IGF2R: variants seen among roughly 807,000 people sequenced by gnomAD.
The protein encoded by IGF2R is cation-independent mannose-6-phosphate receptor.
In IGF2R, 91 loss-of-function variants were observed where a neutral mutation model predicts 270.6. That is an observed-to-expected ratio of 0.34 (90% confidence interval 0.28 to 0.40). The LOEUF (loss-of-function observed/expected upper bound fraction) is 0.40, where lower values mean the gene tolerates loss of function less well. Ranked by LOEUF, IGF2R falls within the 10% of genes least tolerant of loss-of-function variation. The probability of loss-of-function intolerance (pLI) is 1.00; values close to 1 mark genes in which losing one functional copy is unlikely to be tolerated. For synonymous variants in IGF2R, 1,316 were observed against 1,258.9 expected, an observed-to-expected ratio of 1.05 and a Z score of -0.96; for missense variants, 2,805 against 3,188.3, an observed-to-expected ratio of 0.88 and a Z score of 2.90.
chr6:160,046,498 G>A lies in IGF2R; in HGVS notation c.1904G>A (p.Gly635Glu). Residue 635 changes from glycine (G) to glutamate (E), a missense_variant and splice_region_variant, in exon 15 of 48, where the codon GGG (glycine) becomes GAG (glutamate). Transcript: ENST00000356956. ...TTTTATTGTTTTTATTCTTTCTTAG[G>A]GTTTTCTTTTGACTTATCACCTCTC... ...ENCTVFDSQAGFSFDLSPLTK... is the reference protein window; with the variant it reads ...ENCTVFDSQAEFSFDLSPLTK... 6.2e-7 allele frequency: 1 copy of A among 1,604,558 alleles called. No homozygotes were observed.
At chr6:160,065,814 G>GTGTATATAGATATATA in intron 29 of IGF2R, among the ~76,000 whole-genome samples, 23 of 78,392 alleles carry the variant, frequency 2.9e-4, no homozygotes, top group Non-Finnish European at 4.4e-4. Flanking sequence ...GTGTGTGTGT[G>GTGTATATAGATATATA]TATATATATA....
chr6:160,020,801 G>A (rs753554684), intron 4 of IGF2R, among the ~76,000 whole-genome samples: 1 of 152,114 alleles, frequency 6.6e-6, no homozygotes, highest in African/African-American at 2.4e-5. Flanking sequence ...AACTCAGGTC[G>A]GATTAGCGAC....
rs1779632752 is a variant in IGF2R at position 160,106,882 on chromosome 6, G to A, written c.*1798G>A. On this transcript the variant is annotated 3_prime_UTR_variant, in exon 48 of 48. Coordinates refer to ENST00000356956, the MANE Select transcript of IGF2R (RefSeq NM_000876.4). ...AATAAAGCTTTTTTTTGTGCAACCT[G>A]ATCTAACATGGAGATGTTTTCTCTT... The A allele has an allele frequency of 1.3e-5, 2 of 152,152 alleles. No homozygotes were observed. Among genetic ancestry groups the A allele is most frequent in the Admixed American group, 6.5e-5 (1 of 15,276 alleles). 9.4% of individuals were successfully genotyped at this position (152,152 alleles called of 1,614,324 possible).
chr6:160,065,696 C>G (rs1778555666), intron 29 of IGF2R, among the ~76,000 whole-genome samples: 2 of 151,110 alleles, frequency 1.3e-5, no homozygotes. Context: ...CCATGTGAGG[C>G]TGCCTTCAGT....
rs59215791 is a variant in IGF2R, at chr6:160,000,728, G to GTTTTTTTTTTTTT, written c.290-8269_290-8257dup. Among the ~76,000 whole-genome samples the GTTTTTTTTTTTTT allele has an allele frequency of 8.9e-4, 62 of 69,960 alleles. 3 individuals are homozygous for GTTTTTTTTTTTTT. The highest frequency in any genetic ancestry group is 3.5e-3 in the African/African-American group (59 of 16,726). The allele number at this position is 69,960 out of a possible 152,430, so 45.9% of individuals were successfully genotyped here. ...GGAAGATAATAGTTGGTGTGAGGTT[G>GTTTTTTTTTTTTT]TTTTTTTTTTTTTTTTTTTTTTTTT... On this transcript the variant is annotated intron_variant, in intron 2 of 47. Coordinates refer to ENST00000356956, the MANE Select transcript of IGF2R (RefSeq NM_000876.4).
chr6:160,104,093 A>AAC (rs367658101), intron 47 of IGF2R, among the ~76,000 whole-genome samples: 149 of 151,898 alleles, frequency 9.8e-4, no homozygotes, highest in African/African-American at 3.2e-3. Flanking sequence ...AAAAAAACAA[A>AAC]ACACACACAC....
chr6:160,028,713 G>T (rs1777618840), intron 6 of IGF2R, among the ~76,000 whole-genome samples: 1 of 152,178 alleles, frequency 6.6e-6, no homozygotes, highest in African/African-American at 2.4e-5. Context: ...TGCTGGGCAG[G>T]TGCTGTGGGG....
chr6:160,059,680 G>A lies in IGF2R; in HGVS notation c.3091+582G>A, dbSNP rs8191834. On this transcript the variant is annotated intron_variant, in intron 22 of 47. Coordinates refer to ENST00000356956, the MANE Select transcript of IGF2R (RefSeq NM_000876.4). ...CCTAGAGTAGAAGCCAGTGTCCACA[G>A]TACGGCCATGGGACGCCCGTGGGGG... is the stretch of plus-strand genomic sequence containing the variant. Among the ~76,000 whole-genome samples, 222 of 152,328 alleles carry A rather than the reference G, an allele frequency of 1.5e-3. 1 individual carries two copies. Among genetic ancestry groups the A allele is most frequent in the African/African-American group, 5.1e-3 (211 of 41,580 alleles).
chr6:159,972,363 C>T (rs1389297017), intron 1 of IGF2R, among the ~76,000 whole-genome samples: 1 of 152,118 alleles, frequency 6.6e-6, no homozygotes, highest in Non-Finnish European at 1.5e-5. Flanking sequence ...TAATTTCATA[C>T]GTGGAATGTG....
intron 18 of IGF2R, among the ~76,000 whole-genome samples, chr6:160,049,101 G>T (rs1161943955): frequency 6.6e-6 from 1 of 152,158 alleles, no homozygotes; most frequent in South Asian, 2.1e-4. Context: ...ATAGCATGTT[G>T]GGAATGTACT....
intron 1 of IGF2R, among the ~76,000 whole-genome samples, chr6:159,979,165 T>TGTG (rs1783740922): frequency 1.3e-5 from 2 of 152,214 alleles, no homozygotes; most frequent in Non-Finnish European, 2.9e-5. Flanking sequence ...GGACCCACCA[T>TGTG]TGGATTTTGA....
chr6:160,029,787 G>C, intron 7 of IGF2R, 132 bp downstream of exon 7: 2 of 626,482 alleles, frequency 3.2e-6, no homozygotes, highest in Non-Finnish European at 5.7e-6. Flanking sequence ...GGCACTGGTG[G>C]GTTCTCAGGA....
intron 10 of IGF2R, among the ~76,000 whole-genome samples, chr6:160,035,489 G>T (rs1777799597): frequency 6.6e-6 from 1 of 152,176 alleles, no homozygotes; most frequent in Non-Finnish European, 1.5e-5. Flanking sequence ...GAACGTCCTA[G>T]CAAGCAGGCA....
At chr6:160,093,827 A>C in intron 44 of IGF2R, 1 of 731,888 alleles carries the variant, frequency 1.4e-6, no homozygotes. Flanking sequence ...GGTGCTGTGC[A>C]TGATGGTCCA....
At chr6:160,089,649 C>T (rs1043655652) in intron 43 of IGF2R, among the ~76,000 whole-genome samples, 7 of 152,190 alleles carry the variant, frequency 4.6e-5, no homozygotes, top group African/African-American at 1.7e-4. Context: ...GGGCGAGGGC[C>T]GTGTGGTGCT....
intron 39 of IGF2R, among the ~76,000 whole-genome samples, chr6:160,081,481 A>G (rs534358867): frequency 7.9e-5 from 12 of 152,354 alleles, no homozygotes; most frequent in African/African-American, 2.4e-4. Flanking sequence ...GCGCGAAACT[A>G]GAATCACTAA....
At chr6:160,098,702 G>A (rs1175522602) in intron 45 of IGF2R, among the ~76,000 whole-genome samples, 2 of 151,978 alleles carry the variant, frequency 1.3e-5, no homozygotes, top group Non-Finnish European at 2.9e-5. Context: ...ACCTGTAATC[G>A]CAGCTACTCA....
chr6:160,101,692 T>C (rs2114743148), intron 45 of IGF2R, among the ~76,000 whole-genome samples: 1 of 152,342 alleles, frequency 6.6e-6, no homozygotes, highest in East Asian at 1.9e-4. Flanking sequence ...TGGCCCCAAG[T>C]GACAGAGGGC....
chr6:160,065,814 G>GTGTATGTATA, intron 29 of IGF2R, among the ~76,000 whole-genome samples: 7 of 78,394 alleles, frequency 8.9e-5, no homozygotes, highest in African/African-American at 3.9e-4. Flanking sequence ...GTGTGTGTGT[G>GTGTATGTATA]TATATATATA....
Sources: allele counts gnomAD v4.1 joint callset (sites outside exome capture counted in the v4.1 genomes callset), GRCh38; gene constraint gnomAD v4.1.1; transcripts MANE v1.5; gene names NCBI Gene and HGNC (gene_info 2026-07-23, HGNC 2026-07-21).